Variants in BTK observed in about 807,000 individuals in gnomAD.
BTK encodes Bruton tyrosine kinase.
In BTK, 5 loss-of-function variants were observed where a neutral mutation model predicts 57.4. That is an observed-to-expected ratio of 0.09 (90% CI 0.05 to 0.18). The LOEUF is 0.18. BTK is among the 10% of genes least tolerant of loss of function. The pLI, the probability that BTK is intolerant of heterozygous loss-of-function variation, is 1.00. For missense variants in BTK, 194 were observed against 501.2 expected (o/e 0.39, Z 5.85); for synonymous variants, 154 against 174.3 (o/e 0.88, Z 0.92).
At chrX:101,382,377 G>A (rs145811010) in intron 1 of BTK, among the ~76,000 whole-genome samples, 278 of 106,794 alleles carry the variant, frequency 2.6e-3, no homozygotes, top group African/African-American at 8.2e-3. Flanking sequence ...TCCAGGCTTC[G>A]GTACAGTAGC....
intron 4 of BTK, among the ~76,000 whole-genome samples, chrX:101,370,819 T>C (rs1161755171): frequency 2.7e-5 from 3 of 112,611 alleles, no homozygotes; most frequent in African/African-American, 9.7e-5. Context: ...AATTATCTGC[T>C]GTTCAGCATT....
intron 1 of BTK, among the ~76,000 whole-genome samples, chrX:101,376,603 G>A (rs1296500853): frequency 1.8e-5 from 2 of 110,678 alleles, no homozygotes; most frequent in African/African-American, 3.3e-5. Context: ...CTCCAGTCGG[G>A]GCAACAAGAG....
At chrX:101,362,124 A>C (rs1926690534) in intron 7 of BTK, 49 bp downstream of exon 7, 21 of 1,150,673 alleles carry the variant, frequency 1.8e-5, no homozygotes, top group Non-Finnish European at 2.5e-5. Flanking sequence ...TTAGGGCTTG[A>C]CTATAAGTTT....
chrX:101,378,503 G>A (rs1350549620), intron 1 of BTK, among the ~76,000 whole-genome samples: 3 of 104,114 alleles, frequency 2.9e-5, no homozygotes, highest in Non-Finnish European at 5.9e-5. Flanking sequence ...GGAAATGGAA[G>A]TGACTTGAAT....
intron 7 of BTK, among the ~76,000 whole-genome samples, chrX:101,361,523 A>G (rs1241642041): frequency 2.7e-5 from 3 of 110,650 alleles, no homozygotes; most frequent in Non-Finnish European, 5.7e-5. Context: ...AAAAAAAAAA[A>G]AAAAACTTCT....
intron 18 of BTK, among the ~76,000 whole-genome samples, 173 bp from the exon 19 acceptor site, chrX:101,350,129 C>T (rs1926229357): frequency 1.9e-5 from 2 of 107,766 alleles, no homozygotes; most frequent in African/African-American, 6.7e-5. Context: ...TCCATAAAGT[C>T]TTTGTGCACT....
At chrX:101,358,731 A>C in intron 10 of BTK, 35 bp from the exon 11 acceptor site, 2 of 1,121,599 alleles carry the variant, frequency 1.8e-6, no homozygotes, top group Non-Finnish European at 2.5e-6. Flanking sequence ...CTGTAGGAGG[A>C]AGTGGTGCTC....
At chrX:101,363,708 C>CAAAAA (rs1377147835) in intron 5 of BTK, among the ~76,000 whole-genome samples, 1 of 47,941 alleles carries the variant, frequency 2.1e-5, no homozygotes. Context: ...TCTGTCTCAA[C>CAAAAA]AAAAAAAAAA....
chrX:101,371,745 T>A, intron 3 of BTK, 44 bp from the exon 4 acceptor site: 1 of 1,074,713 alleles, frequency 9.3e-7, no homozygotes, highest in Non-Finnish European at 1.3e-6. Flanking sequence ...GATGCATTGC[T>A]CTTTTCTGAA....
chrX:101,380,843 T>C (rs1359879890), intron 1 of BTK, among the ~76,000 whole-genome samples: 2 of 107,506 alleles, frequency 1.9e-5, no homozygotes, highest in Non-Finnish European at 3.8e-5. Flanking sequence ...GGAGAAACCC[T>C]GTCTCTACTA....
chrX:101,376,351 G>A (rs567581680), intron 1 of BTK, among the ~76,000 whole-genome samples: 7 of 112,121 alleles, frequency 6.2e-5, no homozygotes, highest in African/African-American at 2.3e-4. Context: ...ACACTAGGCC[G>A]GCGCGGTGGC....
At chrX:101,355,689 T>G (rs1555977752) in intron 15 of BTK, 1 of 258,115 alleles carries the variant, frequency 3.9e-6, no homozygotes, top group African/African-American at 2.8e-5. Flanking sequence ...CAGGCCCCAG[T>G]ATGTGACTCT....
rs1017393408 is a variant in BTK at position 101,378,533 on chromosome X, A to T, written c.-30-3219T>A. ...TTGAATGTCTCAAACATACAGACAC[A>T]CACACACACACACACACACACACAC... On this transcript the variant is annotated intron_variant, in intron 1 of 18. Coordinates refer to ENST00000308731, the MANE Select transcript of BTK (RefSeq NM_000061.3). Among the ~76,000 whole-genome samples, 10 of 85,368 alleles carry T rather than the reference A, an allele frequency of 1.2e-4. No individual in the cohort carries two copies. In the East Asian group the frequency reaches 3.5e-3, roughly 30 times the overall value. The allele number at this position is 85,368 out of a possible 115,157, so 74.1% of individuals were successfully genotyped here.
At chrX:101,383,286 C>G (rs1168680172) in intron 1 of BTK, among the ~76,000 whole-genome samples, 1 of 111,682 alleles carries the variant, frequency 9.0e-6, no homozygotes, top group Non-Finnish European at 1.9e-5. Context: ...AAAAAAAGAT[C>G]TAATGTTCTT....
At chrX:101,389,077 C>G (rs1341320988), upstream of BTK, among the ~76,000 whole-genome samples, 1 of 111,609 alleles carries the variant, frequency 9.0e-6, no homozygotes, top group East Asian at 2.8e-4. Context: ...GTTAATAATA[C>G]TGTATTATTG....
At position 101,356,143 on chromosome X, in the gene BTK, C is replaced by G. The variant is rs782338603; in HGVS notation, c.1475G>C (p.Arg492Pro). 1.7e-6 allele frequency: 2 copies of G among 1,211,290 alleles called. No individual in the cohort carries two copies. The highest frequency in any genetic ancestry group is 2.2e-6 in the Non-Finnish European group (2 of 895,417). ...CTCTAGCAGCTGCTGAGTCTGGAAG[C>G]GGTGGCGCATCTCCCTCAGGTAGTT... Reference protein sequence around the residue: ...LLNYLREMRHRFQTQQLLEMC... With the variant: ...LLNYLREMRHPFQTQQLLEMC... Residue 492 changes from arginine (R) to proline (P), a missense_variant, in exon 15 of 19, where the codon CGC becomes CCC. Arg to Pro is a moderately radical substitution (Grantham distance 103). Around this residue, in one of 3 missense-constraint regions of BTK, gnomAD observed 79 missense variants for 217.7 expected, o/e 0.36. Transcript: ENST00000308731.
At chrX:101,356,753 G>T (rs2147428110) in intron 14 of BTK, 31 bp downstream of exon 14, 1 of 1,207,837 alleles carries the variant, frequency 8.3e-7, no homozygotes, top group East Asian at 3.0e-5. Context: ...CCAGCAAATA[G>T]ATTGAGAGTT....
At chrX:101,370,794 T>C (rs1927001430) in intron 4 of BTK, among the ~76,000 whole-genome samples, 1 of 112,377 alleles carries the variant, frequency 8.9e-6, no homozygotes, top group African/African-American at 3.2e-5. Context: ...TGAAGTCAAA[T>C]ATAAATTAAT....
At chrX:101,378,528 GACAC>G (rs72139259) in intron 1 of BTK, among the ~76,000 whole-genome samples, 11,548 of 95,003 alleles carry the variant, frequency 0.12, 647 homozygotes, top group South Asian at 0.28. Context: ...CAAACATACA[GACAC>G]ACACACACAC....
Sources: allele counts gnomAD v4.1 joint callset (sites outside exome capture counted in the v4.1 genomes callset), GRCh38; gene constraint gnomAD v4.1.1; regional missense constraint gnomAD v4.1.1; transcripts MANE v1.5; gene names NCBI Gene and HGNC (gene_info 2026-07-23, HGNC 2026-07-21).